GTF2I: variants seen among roughly 807,000 people sequenced by gnomAD.
The protein encoded by GTF2I is general transcription factor IIi.
A neutral mutation model predicts 67.6 loss-of-function variants in GTF2I; 12 were observed. That is an observed-to-expected ratio of 0.18 (90% CI 0.11 to 0.29). The LOEUF (loss-of-function observed/expected upper bound fraction) is 0.29, where lower values mean the gene tolerates loss of function less well. GTF2I is among the 10% of genes least tolerant of loss of function. GTF2I has a pLI of 1.00. For synonymous variants in GTF2I, 149 were observed against 197.0 expected, an observed-to-expected ratio of 0.76 and a Z score of 2.04; for missense variants, 271 against 580.1, an observed-to-expected ratio of 0.47 and a Z score of 5.47.
intron 10 of GTF2I, 170 bp downstream of exon 10, chr7:74,715,086 A>G (rs1211579287): frequency 2.3e-6 from 1 of 434,320 alleles, no homozygotes; most frequent in Non-Finnish European, 4.0e-6. Context: ...ACAAGCAACA[A>G]TTTTTCAAAA....
chr7:74,662,464 C>A (rs1170910076), intron 1 of GTF2I, among the ~76,000 whole-genome samples: 1 of 145,992 alleles, frequency 6.8e-6, no homozygotes, highest in African/African-American at 2.6e-5. Context: ...CCTGCCTTGG[C>A]CTCCTTAAGT....
At chr7:74,681,061 C>A (rs142372066) in intron 1 of GTF2I, among the ~76,000 whole-genome samples, 33 of 152,216 alleles carry the variant, frequency 2.2e-4, no homozygotes, top group African/African-American at 7.2e-4. Context: ...CTTTGAAACT[C>A]ATGAAGGAGA....
intron 7 of GTF2I, among the ~76,000 whole-genome samples, chr7:74,705,598 C>T (rs965075818): frequency 1.2e-4 from 18 of 150,144 alleles, no homozygotes; most frequent in Non-Finnish European, 2.7e-4. Context: ...GCTCTTTTTG[C>T]CCATGCTAGA....
chr7:74,707,657 T>A (rs1377331476), intron 8 of GTF2I, among the ~76,000 whole-genome samples: 1 of 152,238 alleles, frequency 6.6e-6, no homozygotes, highest in Non-Finnish European at 1.5e-5. Context: ...TCTTTTTTCT[T>A]TATTTTCACT....
At position 74,667,836 on chromosome 7, in the gene GTF2I, CT is replaced by C. The variant is rs76958371; in HGVS notation, c.-6+9784del. ...CCCAGCCTGATTTTACCAAAAGAAA[CT>C]TTTTTTTTTTTTTTTGAGACAGAGT... On this transcript the variant is annotated intron_variant, in intron 1 of 34. Coordinates refer to ENST00000573035, the MANE Select transcript of GTF2I (RefSeq NM_032999.4). 7.4e-3 allele frequency among the ~76,000 whole-genome samples: 1,019 copies of C among 138,540 alleles called. 7 individuals carry two copies. Among genetic ancestry groups the C allele is most frequent in the African/African-American group, 0.017 (645 of 37,806 alleles). 90.9% of individuals were successfully genotyped at this position (138,540 alleles called of 152,430 possible).
intron 8 of GTF2I, 109 bp downstream of exon 8, chr7:74,706,542 C>T (rs1790722476): frequency 3.8e-6 from 3 of 796,212 alleles, no homozygotes; most frequent in Non-Finnish European, 6.5e-6. Flanking sequence ...AAGAAAGAGG[C>T]AGTCACTACT....
chr7:74,747,811 G>A (rs1451923921), intron 23 of GTF2I, among the ~76,000 whole-genome samples: 1 of 124,360 alleles, frequency 8.0e-6, no homozygotes, highest in African/African-American at 2.9e-5. Context: ...AAAAAAAAAA[G>A]AAGAAGAAGA....
In GTF2I at chr7:74,710,243, C is replaced by T. The variant is rs145101439; in HGVS notation, c.686-789C>T. Among the ~76,000 whole-genome samples, 5 of 152,234 alleles carry T rather than the reference C, an allele frequency of 3.3e-5. No homozygotes were observed. In the East Asian group the frequency reaches 5.8e-4, roughly 18 times the overall value. On this transcript the variant is annotated intron_variant, in intron 8 of 34. Coordinates refer to ENST00000573035, the MANE Select transcript of GTF2I (RefSeq NM_032999.4). ...ACAAAGTTGCCCAAGTCAGAGCTCA[C>T]GATTTCGTTTGTGTTAGGGTTGGTA... is the stretch of plus-strand genomic sequence containing the variant.
chr7:74,678,757 G>A (rs902363275), intron 1 of GTF2I, among the ~76,000 whole-genome samples: 20 of 151,882 alleles, frequency 1.3e-4, no homozygotes, highest in African/African-American at 4.6e-4. Flanking sequence ...CTAGATAATC[G>A]GTCTGTAACC....
At chr7:74,665,355 G>C (rs1490421410) in intron 1 of GTF2I, among the ~76,000 whole-genome samples, 1 of 151,880 alleles carries the variant, frequency 6.6e-6, no homozygotes, top group Non-Finnish European at 1.5e-5. Context: ...GGGTTCGAGT[G>C]ATTCTTGTGC....
chr7:74,694,586 GA>G (rs1243808682), intron 3 of GTF2I, among the ~76,000 whole-genome samples: 5 of 149,852 alleles, frequency 3.3e-5, no homozygotes, highest in African/African-American at 9.8e-5. Flanking sequence ...TGTCTCAAAA[GA>G]AAAAAAAAGG....
intron 3 of GTF2I, among the ~76,000 whole-genome samples, chr7:74,696,447 C>T (rs1788915106): frequency 6.6e-6 from 1 of 151,914 alleles, no homozygotes; most frequent in African/African-American, 2.4e-5. Context: ...CTGCCTCAGC[C>T]TTTCTAGTAG....
At chr7:74,688,881 AT>A in intron 1 of GTF2I, 1 of 401,584 alleles carries the variant, frequency 2.5e-6, no homozygotes, top group Non-Finnish European at 4.5e-6. Context: ...TGCCACCTGG[AT>A]TTATTTGGGG....
At chr7:74,720,049 C>T (rs587697382) in intron 12 of GTF2I, among the ~76,000 whole-genome samples, 1 of 152,334 alleles carries the variant, frequency 6.6e-6, no homozygotes, top group Admixed American at 6.5e-5. Flanking sequence ...GTTTTCTTCA[C>T]CCTCACTCTG....
intron 6 of GTF2I, among the ~76,000 whole-genome samples, chr7:74,704,267 T>TA (rs1554400663): frequency 6.5e-4 from 91 of 138,950 alleles, no homozygotes; most frequent in South Asian, 1.3e-3. Flanking sequence ...TTAATTATTA[T>TA]TTTTATTTAT....
At chr7:74,732,208 A>C (rs1477025924) in intron 14 of GTF2I, among the ~76,000 whole-genome samples, 1 of 150,584 alleles carries the variant, frequency 6.6e-6, no homozygotes, top group Non-Finnish European at 1.5e-5. Context: ...CCCCGTCTCT[A>C]CTAAAAATAC....
chr7:74,668,913 TTTTA>T (rs1474138469), intron 1 of GTF2I, among the ~76,000 whole-genome samples: 2 of 151,948 alleles, frequency 1.3e-5, no homozygotes, highest in African/African-American at 4.8e-5. Flanking sequence ...ATTAATTTAT[TTTTA>T]TAGAGACAGG....
At chr7:74,691,353 C>T (rs10268509) in intron 3 of GTF2I, among the ~76,000 whole-genome samples, 1,807 of 152,062 alleles carry the variant, frequency 0.012, 33 homozygotes, top group African/African-American at 0.041. Context: ...ATTACAGGCA[C>T]GCGCCAGCAC....
chr7:74,750,632 ATCTCG>A (rs1795765709), intron 26 of GTF2I, among the ~76,000 whole-genome samples: 1 of 90,392 alleles, frequency 1.1e-5, no homozygotes, highest in Non-Finnish European at 2.0e-5. Context: ...GTGAGACAGA[ATCTCG>A]CTCTGTACCC....
Sources: allele counts gnomAD v4.1 joint callset (sites outside exome capture counted in the v4.1 genomes callset), GRCh38; gene constraint gnomAD v4.1.1; transcripts MANE v1.5; gene names NCBI Gene and HGNC (gene_info 2026-07-23, HGNC 2026-07-21).